RNF138: variants seen among roughly 807,000 people sequenced by gnomAD.
RNF138 encodes ring finger protein 138.
A neutral mutation model predicts 31.0 loss-of-function variants in RNF138; 12 were observed. That is an observed-to-expected ratio of 0.39 (90% CI 0.25 to 0.63). The LOEUF (loss-of-function observed/expected upper bound fraction) is 0.63, where lower values mean the gene tolerates loss of function less well. RNF138 is among the 20% of genes least tolerant of loss of function. The probability of loss-of-function intolerance (pLI) is 0.52; values close to 1 mark genes in which losing one functional copy is unlikely to be tolerated. For missense variants in RNF138, 192 were observed against 300.1 expected (o/e 0.64, Z 2.66); for synonymous variants, 105 against 99.5 (o/e 1.06, Z -0.33).
At chr18:32,111,667 A>G (rs55912779) in intron 2 of RNF138, 87 bp from the exon 3 acceptor site, 34 of 1,068,368 alleles carry the variant, frequency 3.2e-5, no homozygotes, top group Non-Finnish European at 4.4e-5. Flanking sequence ...ATATGAATAC[A>G]TATTTATAAT....
rs186685808 is a variant in RNF138, at chr18:32,112,670, G to A, written c.276+751G>A. 7.1e-3 allele frequency among the ~76,000 whole-genome samples: 1,088 copies of A among 152,180 alleles called. 19 individuals are homozygous for A. The highest frequency in any genetic ancestry group is 0.025 in the African/African-American group (1,040 of 41,510). On this transcript the variant is annotated intron_variant, in intron 3 of 7. Coordinates refer to ENST00000261593, the MANE Select transcript of RNF138 (RefSeq NM_016271.5). ...GCACTCCAAACTGGGCAACAAGAGC[G>A]AAACGCTGTCTAAAAAAAAAGAAGA...
chr18:32,097,534 A>G (rs567759218), intron 2 of RNF138, among the ~76,000 whole-genome samples: 1 of 152,170 alleles, frequency 6.6e-6, no homozygotes, highest in East Asian at 1.9e-4. Context: ...CCCAGGCTGG[A>G]GTGCAGTGGT....
At chr18:32,096,890 C>G (rs2039816966) in intron 2 of RNF138, among the ~76,000 whole-genome samples, 1 of 152,058 alleles carries the variant, frequency 6.6e-6, no homozygotes, top group South Asian at 2.1e-4. Context: ...ACCACCATGC[C>G]TGGCTATTAA....
chr18:32,102,032 A>T (rs1436621824), intron 2 of RNF138, among the ~76,000 whole-genome samples: 1 of 146,506 alleles, frequency 6.8e-6, no homozygotes, highest in Non-Finnish European at 1.5e-5. Flanking sequence ...GTGCACCACC[A>T]TGCCTGGCTG....
chr18:32,110,845 A>G (rs1053162435), intron 2 of RNF138, among the ~76,000 whole-genome samples: 11 of 151,966 alleles, frequency 7.2e-5, no homozygotes, highest in African/African-American at 2.4e-4. Flanking sequence ...CAGTGGTGCA[A>G]TCTCGGCTCA....
chr18:32,102,108 C>G (rs2039951464), intron 2 of RNF138, among the ~76,000 whole-genome samples: 1 of 150,390 alleles, frequency 6.6e-6, no homozygotes, highest in Non-Finnish European at 1.5e-5. Context: ...GCCTCAAACT[C>G]CTGGACTCAA....
intron 2 of RNF138, among the ~76,000 whole-genome samples, chr18:32,106,679 C>T (rs934096244): frequency 2.6e-5 from 4 of 151,980 alleles, no homozygotes; most frequent in African/African-American, 7.3e-5. Flanking sequence ...ATCCTCCTGC[C>T]TCAGCCTCTT....
At chr18:32,104,379 G>C (rs760713029) in intron 2 of RNF138, among the ~76,000 whole-genome samples, 1 of 151,990 alleles carries the variant, frequency 6.6e-6, no homozygotes, top group Non-Finnish European at 1.5e-5. Flanking sequence ...AATATACCTA[G>C]TTGTAAGCTT....
intron 4 of RNF138, among the ~76,000 whole-genome samples, chr18:32,118,808 C>CG (rs1568237577): frequency 6.6e-6 from 1 of 151,626 alleles, no homozygotes; most frequent in African/African-American, 2.4e-5. Context: ...CCAGCCTGGG[C>CG]GACAGAGCGA....
rs1167535943 is a variant in RNF138, at chr18:32,102,195, CTTTTTTTTTTTTT to C, written c.110+9321_110+9333del. Among the ~76,000 whole-genome samples, 627 of 63,870 alleles carry C rather than the reference CTTTTTTTTTTTTT, an allele frequency of 9.8e-3. 12 individuals carry two copies. Among genetic ancestry groups the C allele is most frequent in the African/African-American group, 0.036 (581 of 16,092 alleles). The allele number at this position is 63,870 out of a possible 152,430, so 41.9% of individuals were successfully genotyped here. Reference sequence around the variant, plus strand: ...ACCACACCTGACCTTCTTTTAGTTTCTTTTTTTTTTTTTTTTTTTTTTTTGAGACGGAGTCTTG... The same window carrying C: ...ACCACACCTGACCTTCTTTTAGTTTCTTTTTTTTTTTGAGACGGAGTCTTG... On this transcript the variant is annotated intron_variant, in intron 2 of 7. Coordinates refer to ENST00000261593, the MANE Select transcript of RNF138 (RefSeq NM_016271.5).
At chr18:32,123,935 G>A (rs1482860277) in intron 5 of RNF138, 3 of 154,088 alleles carry the variant, frequency 1.9e-5, no homozygotes, top group Non-Finnish European at 4.2e-5. Flanking sequence ...TTACAGGCAT[G>A]AGCCACTGCG....
intron 2 of RNF138, among the ~76,000 whole-genome samples, chr18:32,107,652 C>T (rs918121401): frequency 2.0e-5 from 3 of 151,940 alleles, no homozygotes; most frequent in African/African-American, 7.3e-5. Context: ...TCCCAAGTAG[C>T]TAGGATTACA....
chr18:32,121,521 ATT>A (rs893766983), intron 4 of RNF138, among the ~76,000 whole-genome samples: 1 of 152,092 alleles, frequency 6.6e-6, no homozygotes, highest in Non-Finnish European at 1.5e-5. Context: ...TTTTAATCCT[ATT>A]TTCTAAATAT....
chr18:32,129,157 T>C lies in RNF138; in HGVS notation c.708T>C (p.Ala236=). 1 of 1,612,756 alleles carries C rather than the reference T, an allele frequency of 6.2e-7. No individual in the cohort carries two copies. The highest frequency in any genetic ancestry group is 8.5e-7 in the Non-Finnish European group (1 of 1,179,150). ...QLDEETQYQT[A]VEESFQVNI ...ATGAAGAAACCCAATACCAAACTGCTGTTGAAGAATCTTTTCAAGTAAACA... is the reference window on the plus strand; with the variant it reads ...ATGAAGAAACCCAATACCAAACTGCCGTTGAAGAATCTTTTCAAGTAAACA... The change falls in exon 8 of 8, where the codon GCT becomes GCC. Residue 236 remains alanine, a synonymous_variant. Coordinates refer to ENST00000261593, the MANE Select transcript of RNF138 (RefSeq NM_016271.5).
intron 2 of RNF138, among the ~76,000 whole-genome samples, chr18:32,110,275 G>A (rs528787202): frequency 4.3e-4 from 65 of 152,312 alleles, no homozygotes; most frequent in Middle Eastern, 3.4e-3. Context: ...TTATAGGCAT[G>A]AGCCACTACG....
chr18:32,099,092 G>A (rs937434118), intron 2 of RNF138, among the ~76,000 whole-genome samples: 6 of 152,034 alleles, frequency 3.9e-5, no homozygotes, highest in African/African-American at 9.7e-5. Context: ...GGGAGAATGC[G>A]TAATGGAAAT....
chr18:32,127,318 C>T (rs1165732986), intron 7 of RNF138, among the ~76,000 whole-genome samples: 1 of 152,092 alleles, frequency 6.6e-6, no homozygotes, highest in Non-Finnish European at 1.5e-5. Context: ...ATTCATAAAG[C>T]AAAATGGATT....
At chr18:32,097,962 GTGTGTGTGTGTGTGT>G (rs986452405) in intron 2 of RNF138, among the ~76,000 whole-genome samples, 23 of 82,850 alleles carry the variant, frequency 2.8e-4, no homozygotes, top group South Asian at 2.2e-3. Context: ...GTGTGTGTGT[GTGTGTGTGTGTGTGT>G]TATTTTTGTT....
chr18:32,108,915 G>A (rs1378602730), intron 2 of RNF138, among the ~76,000 whole-genome samples: 1 of 151,520 alleles, frequency 6.6e-6, no homozygotes, highest in Non-Finnish European at 1.5e-5. Context: ...TAATCCTCCC[G>A]CCTTGGCCTC....
Sources: gnomAD v4.1 joint callset for allele counts (sites outside exome capture counted in the v4.1 genomes callset) on GRCh38, gnomAD v4.1.1 for gene constraint, MANE v1.5 for transcripts, NCBI Gene and HGNC (gene_info 2026-07-23, HGNC 2026-07-21) for gene names.